SGCD: variants seen among roughly 807,000 people sequenced by gnomAD.
SGCD encodes sarcoglycan delta, also known as delta-sarcoglycan.
In SGCD, 18 loss-of-function variants were observed where a neutral mutation model predicts 36.6. The ratio of observed to expected loss-of-function variants is 0.49; its 90% CI spans 0.34 to 0.73. The LOEUF (loss-of-function observed/expected upper bound fraction) is 0.73. Among genes scored for constraint, SGCD ranks in the 30% least tolerant of loss-of-function variants. The probability of loss-of-function intolerance (pLI) is 0.01; values close to 1 mark genes in which losing one functional copy is unlikely to be tolerated. For synonymous variants in SGCD, 133 were observed against 130.6 expected, an observed-to-expected ratio of 1.02 and a Z score of -0.12; for missense variants, 387 against 346.7, an observed-to-expected ratio of 1.12 and a Z score of -0.92.
At chr5:156,648,774 G>A (rs965314206) in intron 7 of SGCD, among the ~76,000 whole-genome samples, 2 of 152,098 alleles carry the variant, frequency 1.3e-5, no homozygotes, top group Non-Finnish European at 2.9e-5. Flanking sequence ...TTCATATAAG[G>A]TACTGAAGCT....
At chr5:156,705,358 A>C (rs920676842) in intron 7 of SGCD, among the ~76,000 whole-genome samples, 2 of 152,106 alleles carry the variant, frequency 1.3e-5, no homozygotes, top group Non-Finnish European at 2.9e-5. Flanking sequence ...GAATCACGTG[A>C]TTTGCTTTGA....
At chr5:155,987,682 A>G (rs891502023) in intron 1 of SGCD, among the ~76,000 whole-genome samples, 1 of 152,118 alleles carries the variant, frequency 6.6e-6, no homozygotes, top group African/African-American at 2.4e-5. Flanking sequence ...TTACTCATTC[A>G]TCTGCCTTCC....
At chr5:156,263,489 T>C (rs1765920840) in intron 3 of SGCD, among the ~76,000 whole-genome samples, 1 of 152,180 alleles carries the variant, frequency 6.6e-6, no homozygotes, top group Non-Finnish European at 1.5e-5. Context: ...TAAATCTGAA[T>C]ATTTGTCTGT....
intron 7 of SGCD, among the ~76,000 whole-genome samples, chr5:156,756,279 G>A (rs1757331833): frequency 1.3e-5 from 2 of 152,160 alleles, no homozygotes. Flanking sequence ...GGGTATGATG[G>A]TTCACGCTTG....
chr5:156,531,299 A>G (rs989703578), intron 4 of SGCD, among the ~76,000 whole-genome samples: 2 of 152,204 alleles, frequency 1.3e-5, no homozygotes, highest in Non-Finnish European at 2.9e-5. Context: ...AGCCTCCAGG[A>G]CTATAAGAAA....
chr5:156,382,330 CTGTAGAAGCTCACTCA>C (rs1176747414), intron 3 of SGCD, among the ~76,000 whole-genome samples: 1 of 152,074 alleles, frequency 6.6e-6, no homozygotes, highest in African/African-American at 2.4e-5. Flanking sequence ...CTTCAAAGAC[CTGTAGAAGCTCACTCA>C]TGTTACTGTC....
At chr5:155,890,613 ATAGG>A (rs968130605) in intron 1 of SGCD, among the ~76,000 whole-genome samples, 10 of 139,120 alleles carry the variant, frequency 7.2e-5, no homozygotes, top group Non-Finnish European at 1.4e-4. Flanking sequence ...TTCTAAATAG[ATAGG>A]TAGGTAAGTA....
At chr5:156,051,773 G>A (rs113640153) in intron 1 of SGCD, among the ~76,000 whole-genome samples, 1,727 of 146,010 alleles carry the variant, frequency 0.012, 155 homozygotes, top group African/African-American at 0.041. Flanking sequence ...GAAGGAGATT[G>A]AAGAGTTTTC....
chr5:155,939,765 C>T (rs572868886), intron 1 of SGCD, among the ~76,000 whole-genome samples: 1 of 151,776 alleles, frequency 6.6e-6, no homozygotes, highest in Admixed American at 6.6e-5. Context: ...GACTAAAATG[C>T]ATGCTGTATA....
chr5:156,243,604 G>A (rs371967501), intron 3 of SGCD, among the ~76,000 whole-genome samples: 11 of 152,048 alleles, frequency 7.2e-5, no homozygotes, highest in African/African-American at 1.4e-4. Context: ...GAGATAGCAC[G>A]GAAACAGTGA....
intron 7 of SGCD, among the ~76,000 whole-genome samples, chr5:156,697,732 T>C (rs1374416183): frequency 6.6e-6 from 1 of 151,360 alleles, no homozygotes; most frequent in East Asian, 1.9e-4. Flanking sequence ...TCCTGGAAGA[T>C]AGTATTGGAT....
chr5:156,198,906 G>A (rs1764081694), intron 3 of SGCD, among the ~76,000 whole-genome samples: 1 of 151,782 alleles, frequency 6.6e-6, no homozygotes, highest in Non-Finnish European at 1.5e-5. Context: ...ATGTTGCCTT[G>A]GTTGGATTCA....
intron 3 of SGCD, among the ~76,000 whole-genome samples, chr5:156,259,212 G>A (rs932687948): frequency 2.6e-5 from 4 of 151,536 alleles, no homozygotes; most frequent in African/African-American, 9.7e-5. Flanking sequence ...GCTTCATTCT[G>A]TTTGTTAATG....
chr5:155,975,547 A>T (rs1448511352), intron 1 of SGCD, among the ~76,000 whole-genome samples: 1 of 121,538 alleles, frequency 8.2e-6, no homozygotes, highest in East Asian at 2.4e-4. Flanking sequence ...TGGATGTTGA[A>T]TTTTTCTTAA....
intron 4 of SGCD, among the ~76,000 whole-genome samples, chr5:156,512,831 TATAGTA>T (rs1417292622): frequency 2.0e-5 from 3 of 152,166 alleles, no homozygotes; most frequent in Non-Finnish European, 4.4e-5. Context: ...AATGGAATCA[TATAGTA>T]AGAGTATCTG....
At chr5:156,567,420 AGATAGATAGATG>A (rs200753770) in intron 4 of SGCD, among the ~76,000 whole-genome samples, 11,206 of 146,378 alleles carry the variant, frequency 0.077, 552 homozygotes, top group Non-Finnish European at 0.11. Flanking sequence ...ATAGATAGAT[AGATAGATAGATG>A]GTAGCTCATG....
At chr5:156,691,169 T>G (rs1216632585) in intron 7 of SGCD, among the ~76,000 whole-genome samples, 9 of 116,460 alleles carry the variant, frequency 7.7e-5, no homozygotes, top group Non-Finnish European at 1.4e-4. Context: ...ATTGTGCCAC[T>G]GCACTCCAGT....
intron 3 of SGCD, among the ~76,000 whole-genome samples, chr5:156,371,542 A>T (rs964001730): frequency 6.6e-6 from 1 of 152,220 alleles, no homozygotes; most frequent in African/African-American, 2.4e-5. Flanking sequence ...GAAAGGACCG[A>T]GTGTCAGAAA....
At chr5:156,387,269 C>G (rs747921842) in intron 3 of SGCD, among the ~76,000 whole-genome samples, 4 of 152,092 alleles carry the variant, frequency 2.6e-5, no homozygotes, top group Admixed American at 2.0e-4. Flanking sequence ...TGTGTGGTGA[C>G]ATTTCAAGAT....
Sources: allele counts gnomAD v4.1 joint callset (sites outside exome capture counted in the v4.1 genomes callset), GRCh38; gene constraint gnomAD v4.1.1; transcripts MANE v1.5; gene names NCBI Gene and HGNC (gene_info 2026-07-23, HGNC 2026-07-21).